TANC2: variants seen among roughly 807,000 people sequenced by gnomAD.
TANC2 encodes the protein protein TANC2.
A neutral mutation model predicts 210.5 loss-of-function variants in TANC2; 26 were observed. That is an observed-to-expected ratio of 0.12 (90% CI 0.09 to 0.17). TANC2 has a LOEUF of 0.17. Ranked by LOEUF, TANC2 falls within the 10% of genes least tolerant of loss-of-function variation. TANC2 has a pLI of 1.00. For missense variants in TANC2, 2,129 were observed against 2,608.9 expected, an observed-to-expected ratio of 0.82 and a Z score of 4.01; for synonymous variants, 931 against 967.1, an observed-to-expected ratio of 0.96 and a Z score of 0.69.
At chr17:63,172,451 G>C (rs913250768) in intron 5 of TANC2, among the ~76,000 whole-genome samples, 6 of 151,496 alleles carry the variant, frequency 4.0e-5, no homozygotes, top group African/African-American at 1.5e-4. Context: ...CAAGGTACTG[G>C]GATTACAGGT....
chr17:63,180,850 C>T (rs1283849315), intron 5 of TANC2, among the ~76,000 whole-genome samples: 1 of 151,560 alleles, frequency 6.6e-6, no homozygotes, highest in Non-Finnish European at 1.5e-5. Flanking sequence ...ATGGTGAAAC[C>T]GTGTCTCTAC....
intron 2 of TANC2, among the ~76,000 whole-genome samples, chr17:63,060,916 A>T (rs1010002621): frequency 6.6e-6 from 1 of 151,976 alleles, no homozygotes; most frequent in South Asian, 2.1e-4. Context: ...TTCTTTATAA[A>T]TCATGTTTTG....
chr17:63,200,671 G>A (rs1365247345), intron 6 of TANC2, 100 bp from the exon 7 acceptor site: 1 of 1,041,486 alleles, frequency 9.6e-7, no homozygotes, highest in African/African-American at 1.6e-5. Context: ...TAAAAGCTAT[G>A]CATGTAGTTT....
At chr17:63,376,151 G>A (rs939998219) in intron 14 of TANC2, among the ~76,000 whole-genome samples, 1 of 151,596 alleles carries the variant, frequency 6.6e-6, no homozygotes, top group African/African-American at 2.4e-5. Flanking sequence ...TAAGAGTTCA[G>A]GGCCGGGTGC....
exon 28 of TANC2, chr17:63,426,468 CT>C (rs2049146363): frequency 6.6e-6 from 1 of 152,236 alleles, no homozygotes; most frequent in Non-Finnish European, 1.5e-5. Context: ...TCATCAACTC[CT>C]TTTGTCATAC....
intron 2 of TANC2, among the ~76,000 whole-genome samples, chr17:63,033,157 C>T (rs1352003598): frequency 6.6e-6 from 1 of 152,182 alleles, no homozygotes; most frequent in Non-Finnish European, 1.5e-5. Flanking sequence ...TTCACTGACC[C>T]AGCAGCTCTG....
intron 2 of TANC2, among the ~76,000 whole-genome samples, chr17:63,017,726 C>T (rs1325804173): frequency 1.3e-5 from 2 of 152,186 alleles, no homozygotes; most frequent in African/African-American, 4.8e-5. Flanking sequence ...AACAAAACAT[C>T]TATTTCTAGT....
intron 17 of TANC2, among the ~76,000 whole-genome samples, chr17:63,395,013 C>T (rs1343452691): frequency 1.3e-5 from 2 of 152,186 alleles, no homozygotes; most frequent in Non-Finnish European, 2.9e-5. Context: ...ATCTAACTAC[C>T]GCAGGACAAG....
At chr17:63,415,577 A>G in exon 26 of TANC2, 1 of 1,613,892 alleles carries the variant, frequency 6.2e-7, no homozygotes, top group Non-Finnish European at 8.5e-7. Context: ...GCCCTGAAGA[A>G]GTTCCCTAGA....
At chr17:63,083,406 C>T (rs9916518) in intron 3 of TANC2, among the ~76,000 whole-genome samples, 81,006 of 151,802 alleles carry the variant, frequency 0.53, 23,091 homozygotes, top group African/African-American at 0.73. Flanking sequence ...CTACCATATC[C>T]GCCTGGGAAC....
intron 2 of TANC2, among the ~76,000 whole-genome samples, chr17:63,070,335 C>G (rs111582260): frequency 1.9e-3 from 296 of 152,204 alleles, no homozygotes; most frequent in African/African-American, 6.9e-3. Flanking sequence ...GTCAGGTATT[C>G]CATTCATTTG....
chr17:63,121,455 A>G (rs1567740032), intron 4 of TANC2, among the ~76,000 whole-genome samples: 1 of 152,116 alleles, frequency 6.6e-6, no homozygotes, highest in East Asian at 1.9e-4. Flanking sequence ...CCATTGGCCT[A>G]CATCAGTGAT....
chr17:63,093,725 A>G (rs1426015523), intron 3 of TANC2, among the ~76,000 whole-genome samples: 1 of 152,146 alleles, frequency 6.6e-6, no homozygotes, highest in Admixed American at 6.6e-5. Flanking sequence ...ACATAGTGTT[A>G]TGGAGTCTTC....
At position 63,318,954 on chromosome 17, in the gene TANC2, C is replaced by T; in HGVS notation, c.1442-3C>T. 6.2e-7 allele frequency: 1 copy of T among 1,612,386 alleles called. No homozygotes were observed. The highest frequency in any genetic ancestry group is 8.5e-7 in the Non-Finnish European group (1 of 1,179,778). ...TGCAAACATCTAAATCTTTTTAATC[C>T]AGATGTGGATGCCAACAGAGAGCTG... On this transcript the variant is annotated splice_region_variant and splice_polypyrimidine_tract_variant and intron_variant, in intron 10 of 27. Transcript: ENST00000689528.
exon 6 of TANC2, chr17:63,194,107 C>A (rs542076646): frequency 6.2e-7 from 1 of 1,613,308 alleles, no homozygotes; most frequent in Admixed American, 1.7e-5. Context: ...GCCAGGTGAC[C>A]AATACAGCAT....
At chr17:63,186,812 GAACTA>G (rs2041005159) in intron 5 of TANC2, among the ~76,000 whole-genome samples, 1 of 152,110 alleles carries the variant, frequency 6.6e-6, no homozygotes, top group African/African-American at 2.4e-5. Context: ...ATAAAACCAA[GAACTA>G]CAAATTTAAA....
intron 3 of TANC2, among the ~76,000 whole-genome samples, chr17:63,083,610 A>G (rs747760391): frequency 4.6e-5 from 7 of 152,224 alleles, no homozygotes; most frequent in Non-Finnish European, 1.0e-4. Context: ...AGGAAAAAAC[A>G]TAGTAAACTC....
intron 1 of TANC2, among the ~76,000 whole-genome samples, chr17:62,970,534 A>ACTCT (rs3060699): frequency 0.6 from 90,627 of 151,572 alleles, 29,696 homozygotes; most frequent in African/African-American, 0.87. Flanking sequence ...TTCTTAAGTG[A>ACTCT]GTATGAATTA....
At chr17:63,011,154 C>T (rs1328539341) in intron 2 of TANC2, among the ~76,000 whole-genome samples, 1 of 152,068 alleles carries the variant, frequency 6.6e-6, no homozygotes, top group African/African-American at 2.4e-5. Flanking sequence ...TTTTATCACT[C>T]TGAAGACTCA....
Sources: gnomAD v4.1 joint callset for allele counts (sites outside exome capture counted in the v4.1 genomes callset) on GRCh38, gnomAD v4.1.1 for gene constraint, MANE v1.5 for transcripts, NCBI Gene and HGNC (gene_info 2026-07-23, HGNC 2026-07-21) for gene names.